Variants in PDK1 observed in about 807,000 individuals in gnomAD.
PDK1 encodes pyruvate dehydrogenase kinase 1.
PDK1 carries 39 observed loss-of-function variants against 54.2 expected under a neutral mutation model. That is an observed-to-expected ratio of 0.72 (90% CI 0.56 to 0.94). The LOEUF (loss-of-function observed/expected upper bound fraction) is 0.94, where lower values mean the gene tolerates loss of function less well. Ranked by LOEUF, PDK1 falls within the 40% of genes least tolerant of loss-of-function variation. PDK1 has a pLI of 0.00. For synonymous variants in PDK1, 221 were observed against 207.1 expected, an observed-to-expected ratio of 1.07 and a Z score of -0.58; for missense variants, 552 against 566.0, an observed-to-expected ratio of 0.98 and a Z score of 0.25.
intron 8 of PDK1, among the ~76,000 whole-genome samples, chr2:172,585,789 A>G (rs1004970470): frequency 2.0e-5 from 3 of 152,150 alleles, no homozygotes; most frequent in Admixed American, 6.5e-5. Context: ...TTAGAGTTTC[A>G]CATATTAGAG....
the PDK1 span, among the ~76,000 whole-genome samples, chr2:172,652,446 A>G: frequency 2.6e-5 from 4 of 151,970 alleles, no homozygotes; most frequent in East Asian, 1.9e-4. Flanking sequence ...CCTGTTCAAC[A>G]TAGTGTTGGA....
chr2:172,641,610 T>G, the PDK1 span, among the ~76,000 whole-genome samples: 3 of 151,986 alleles, frequency 2.0e-5, no homozygotes, highest in Admixed American at 1.3e-4. Context: ...CCCGGCTAAT[T>G]TTTTTGACTT....
chr2:172,723,471 A>C, the PDK1 span: 1 of 152,230 alleles, frequency 6.6e-6, no homozygotes, highest in Non-Finnish European at 1.5e-5. Context: ...GTAATTTCTA[A>C]TCTTGAGGAA....
At chr2:172,566,626 C>T (rs1420949747) in intron 5 of PDK1, among the ~76,000 whole-genome samples, 1 of 144,486 alleles carries the variant, frequency 6.9e-6, no homozygotes, top group Admixed American at 7.3e-5. Context: ...AGCACCAAGG[C>T]AGGAGGATGG....
the PDK1 span, among the ~76,000 whole-genome samples, chr2:172,679,996 C>A: frequency 6.6e-6 from 1 of 152,096 alleles, no homozygotes; most frequent in Non-Finnish European, 1.5e-5. Flanking sequence ...AATACCAAAA[C>A]CAGTCTTCTT....
intron 8 of PDK1, among the ~76,000 whole-genome samples, chr2:172,577,845 C>A (rs923601645): frequency 3.9e-5 from 6 of 152,096 alleles, no homozygotes; most frequent in African/African-American, 1.4e-4. Flanking sequence ...AGATAGGACA[C>A]AAAAAGAGTT....
chr2:172,600,094 G>A lies in PDK1; in HGVS notation c.*4125G>A, dbSNP rs1444187622. On this transcript the variant is annotated 3_prime_UTR_variant, in exon 11 of 11. Transcript: ENST00000282077. ...TGCCATCTACTTATAAGTTAAAAAT[G>A]CTGAGAAGGTTTTTTTTGGAAACAG... 6.6e-6 allele frequency: 1 copy of A among 152,152 alleles called. No individual in the cohort carries two copies. Among genetic ancestry groups the A allele is most frequent in the African/African-American group, 2.4e-5 (1 of 41,444 alleles). 9.4% of individuals were successfully genotyped at this position (152,152 alleles called of 1,614,324 possible).
intron 8 of PDK1, among the ~76,000 whole-genome samples, chr2:172,575,892 C>T (rs937520182): frequency 6.6e-6 from 1 of 152,196 alleles, no homozygotes; most frequent in Middle Eastern, 3.4e-3. Context: ...TCCATTTCTT[C>T]CTGAGCTCCT....
At chr2:172,712,625 C>T in the PDK1 span, among the ~76,000 whole-genome samples, 21 of 152,154 alleles carry the variant, frequency 1.4e-4, no homozygotes, top group Non-Finnish European at 1.6e-4. Context: ...ACTGTGGACA[C>T]CCGGGAATGC....
chr2:172,689,104 C>T, the PDK1 span, among the ~76,000 whole-genome samples: 1 of 152,174 alleles, frequency 6.6e-6, no homozygotes, highest in African/African-American at 2.4e-5. Flanking sequence ...TATTTGTCCC[C>T]ACCCATGTCC....
chr2:172,610,280 C>A (rs1458273741), downstream of PDK1, among the ~76,000 whole-genome samples: 2 of 152,150 alleles, frequency 1.3e-5, no homozygotes, highest in African/African-American at 4.8e-5. Context: ...CTGCATGAAT[C>A]ATCCCTCTTG....
Position 172,595,833 on chromosome 2 carries a change from T to C in PDK1, c.1175T>C (p.Leu392Pro). Residue 392 changes from leucine to proline, a missense_variant, in exon 11 of 11, where the codon CTG becomes CCG. Transcript: ENST00000282077. ...GTDAVIYIKALSTDSIERLPV... is the reference protein window; with the variant it reads ...GTDAVIYIKAPSTDSIERLPV... ...TCTTAGGTTTTTCTTTTTCAGGCTC[T>C]GTCAACAGACTCAATAGAAAGACTC... 6.2e-7 allele frequency: 1 copy of C among 1,613,696 alleles called. No individual in the cohort carries two copies. Among genetic ancestry groups the C allele is most frequent in the Non-Finnish European group, 8.5e-7 (1 of 1,179,688 alleles).
chr2:172,712,270 C>T, the PDK1 span, among the ~76,000 whole-genome samples: 1 of 152,186 alleles, frequency 6.6e-6, no homozygotes, highest in Non-Finnish European at 1.5e-5. Context: ...TATAATGTGG[C>T]TTTTACTATT....
the PDK1 span, among the ~76,000 whole-genome samples, chr2:172,659,220 A>G: frequency 6.6e-6 from 1 of 152,326 alleles, no homozygotes; most frequent in African/African-American, 2.4e-5. Flanking sequence ...ACACTTAGAC[A>G]AAATATCATG....
chr2:172,703,706 T>TG, the PDK1 span, among the ~76,000 whole-genome samples: 1 of 151,966 alleles, frequency 6.6e-6, no homozygotes, highest in Non-Finnish European at 1.5e-5. Context: ...ACACTTTGTG[T>TG]TTTTATGTAA....
At chr2:172,570,694 T>C in intron 7 of PDK1, 32 bp from the exon 8 acceptor site, 2 of 1,263,948 alleles carry the variant, frequency 1.6e-6, no homozygotes, top group South Asian at 2.5e-5. Context: ...TCTAAAAAGC[T>C]GTATTTTTAA....
intron 3 of PDK1, among the ~76,000 whole-genome samples, chr2:172,562,566 T>C (rs187462774): frequency 6.6e-6 from 1 of 152,370 alleles, no homozygotes; most frequent in African/African-American, 2.4e-5. Flanking sequence ...GGGTGCATGC[T>C]CCTTCTAATG....
chr2:172,679,965 C>A, the PDK1 span, among the ~76,000 whole-genome samples: 1 of 152,072 alleles, frequency 6.6e-6, no homozygotes, highest in South Asian at 2.1e-4. Context: ...AGACACAAGA[C>A]CCTATTTCAG....
At chr2:172,621,654 T>G in the PDK1 span, among the ~76,000 whole-genome samples, 2 of 147,776 alleles carry the variant, frequency 1.4e-5, no homozygotes, top group African/African-American at 2.5e-5. Flanking sequence ...TCATATATGT[T>G]TATCATATAT....
Sources: gnomAD v4.1 joint callset for allele counts (sites outside exome capture counted in the v4.1 genomes callset) on GRCh38, gnomAD v4.1.1 for gene constraint, MANE v1.5 for transcripts, NCBI Gene and HGNC (gene_info 2026-07-23, HGNC 2026-07-21) for gene names.